GAB2: variants seen among roughly 807,000 people sequenced by gnomAD.
GAB2 encodes GRB2-associated-binding protein 2.
In GAB2, 26 loss-of-function variants were observed where a neutral mutation model predicts 65.5. The ratio of observed to expected loss-of-function variants is 0.40; its 90% CI spans 0.29 to 0.55. The LOEUF (loss-of-function observed/expected upper bound fraction) is 0.55. Among genes scored for constraint, GAB2 ranks in the 20% least tolerant of loss-of-function variants. The probability of loss-of-function intolerance (pLI) is 0.53; values close to 1 mark genes in which losing one functional copy is unlikely to be tolerated. For synonymous variants in GAB2, 321 were observed against 329.6 expected, an observed-to-expected ratio of 0.97 and a Z score of 0.28; for missense variants, 884 against 875.8, an observed-to-expected ratio of 1.01 and a Z score of -0.12.
intron 1 of GAB2, among the ~76,000 whole-genome samples, chr11:78,379,915 G>A (rs1048557522): frequency 6.6e-6 from 1 of 152,228 alleles, no homozygotes; most frequent in Non-Finnish European, 1.5e-5. Flanking sequence ...TGAAGACAAT[G>A]TTGAATCATT....
chr11:78,343,288 C>T (rs527750568), intron 1 of GAB2, among the ~76,000 whole-genome samples: 1 of 151,856 alleles, frequency 6.6e-6, no homozygotes, highest in South Asian at 2.1e-4. Context: ...CTTCTGCTTC[C>T]CCGTTGATAG....
intron 1 of GAB2, among the ~76,000 whole-genome samples, chr11:78,396,616 CTTTTTTT>C (rs1156524879): frequency 6.6e-6 from 1 of 151,720 alleles, no homozygotes; most frequent in African/African-American, 2.4e-5. Flanking sequence ...TTTCTTTTTT[CTTTTTTT>C]TGAGGCAGAG....
intron 1 of GAB2, among the ~76,000 whole-genome samples, chr11:78,290,699 A>G (rs1380339875): frequency 1.3e-5 from 2 of 152,242 alleles, no homozygotes; most frequent in Non-Finnish European, 2.9e-5. Flanking sequence ...GTTCTAAGAT[A>G]TAAAGGGCCG....
intron 3 of GAB2, among the ~76,000 whole-genome samples, chr11:78,244,479 G>A (rs919930774): frequency 7.2e-5 from 11 of 151,782 alleles, no homozygotes; most frequent in Non-Finnish European, 1.5e-4. Context: ...AGAGTAAAGA[G>A]ACAACCTACT....
chr11:78,223,737 G>T (rs977232095), intron 5 of GAB2, 61 bp from the exon 6 acceptor site: 33 of 1,362,324 alleles, frequency 2.4e-5, no homozygotes, highest in Non-Finnish European at 3.2e-5. Flanking sequence ...CAGGAAGGGG[G>T]TAAGACTTTG....
chr11:78,300,685 G>GTTT (rs763136988), intron 1 of GAB2, among the ~76,000 whole-genome samples: 1,739 of 120,382 alleles, frequency 0.014, 60 homozygotes, highest in African/African-American at 0.057. Flanking sequence ...TTTTTTTTTG[G>GTTT]TTTTTTTTTG....
At chr11:78,413,324 G>A (rs1397969364) in intron 1 of GAB2, among the ~76,000 whole-genome samples, 1 of 152,154 alleles carries the variant, frequency 6.6e-6, no homozygotes, top group East Asian at 1.9e-4. Context: ...TTTAAGGACT[G>A]GATAAAAGGG....
intron 2 of GAB2, among the ~76,000 whole-genome samples, chr11:78,263,477 C>CA (rs1272679269): frequency 1.3e-5 from 2 of 151,684 alleles, no homozygotes; most frequent in African/African-American, 4.8e-5. Flanking sequence ...ACTAAAAATA[C>CA]AAAAAATTAG....
chr11:78,376,847 T>C (rs915249716), intron 1 of GAB2, among the ~76,000 whole-genome samples: 4 of 152,158 alleles, frequency 2.6e-5, no homozygotes, highest in African/African-American at 9.7e-5. Flanking sequence ...CCCGCCCAAA[T>C]CTCATGCTGA....
At chr11:78,369,483 C>T (rs1159330777) in intron 1 of GAB2, among the ~76,000 whole-genome samples, 4 of 152,184 alleles carry the variant, frequency 2.6e-5, no homozygotes, top group African/African-American at 9.7e-5. Flanking sequence ...ACTTGCATCC[C>T]TTATACAGTG....
intron 1 of GAB2, among the ~76,000 whole-genome samples, chr11:78,382,708 C>T (rs563261068): frequency 6.6e-6 from 1 of 152,102 alleles, no homozygotes; most frequent in African/African-American, 2.4e-5. Context: ...TTAGACTTAG[C>T]CACAATAAAT....
intron 1 of GAB2, among the ~76,000 whole-genome samples, chr11:78,340,512 T>A (rs1157941899): frequency 1.3e-5 from 2 of 151,846 alleles, no homozygotes; most frequent in African/African-American, 4.8e-5. Flanking sequence ...CACTTTGAAA[T>A]CTTTCTTCAA....
intron 1 of GAB2, among the ~76,000 whole-genome samples, chr11:78,329,300 T>C (rs1344868866): frequency 6.6e-6 from 1 of 152,186 alleles, no homozygotes; most frequent in African/African-American, 2.4e-5. Flanking sequence ...GTAGGCTCTT[T>C]ATATTAATTA....
intron 1 of GAB2, among the ~76,000 whole-genome samples, chr11:78,362,911 G>C (rs947876580): frequency 6.6e-6 from 1 of 152,162 alleles, no homozygotes; most frequent in Non-Finnish European, 1.5e-5. Context: ...CAAAGGCCCA[G>C]AAGTCATGTA....
intron 3 of GAB2, among the ~76,000 whole-genome samples, chr11:78,240,504 A>G (rs938992977): frequency 1.3e-4 from 19 of 151,538 alleles, no homozygotes; most frequent in African/African-American, 4.1e-4. Flanking sequence ...AGCTGTTGAG[A>G]TACGCCTCTC....
chr11:78,332,309 C>G (rs901590474), intron 1 of GAB2, among the ~76,000 whole-genome samples: 1 of 152,144 alleles, frequency 6.6e-6, no homozygotes, highest in Admixed American at 6.5e-5. Context: ...ACTGAGGAAG[C>G]CACCAGGCTT....
intron 1 of GAB2, among the ~76,000 whole-genome samples, chr11:78,407,637 G>A (rs150459059): frequency 3.5e-3 from 373 of 107,604 alleles, no homozygotes; most frequent in African/African-American, 0.012. Context: ...CCTTCTCAAA[G>A]AAAGAAAGAA....
At chr11:78,416,639 G>C (rs1196315468) in intron 1 of GAB2, among the ~76,000 whole-genome samples, 1 of 152,152 alleles carries the variant, frequency 6.6e-6, no homozygotes, top group Non-Finnish European at 1.5e-5. Context: ...GCAGATGAGA[G>C]ACCTTGAAAC....
At chr11:78,233,678 C>T (rs1312689410) in intron 3 of GAB2, among the ~76,000 whole-genome samples, 1 of 152,198 alleles carries the variant, frequency 6.6e-6, no homozygotes, top group Non-Finnish European at 1.5e-5. Context: ...GCCATCTTGG[C>T]TCACTGCAAC....
Sources: gnomAD v4.1 joint callset for allele counts (sites outside exome capture counted in the v4.1 genomes callset) on GRCh38, gnomAD v4.1.1 for gene constraint, MANE v1.5 for transcripts, NCBI Gene and HGNC (gene_info 2026-07-23, HGNC 2026-07-21) for gene names.